AGAP1: variants seen among roughly 807,000 people sequenced by gnomAD.
AGAP1 encodes the protein ArfGAP with GTPase domain, ankyrin repeat and PH domain 1.
Under a neutral mutation model 105.3 loss-of-function variants are expected in AGAP1, and 29 were observed. That is an observed-to-expected ratio of 0.28 (90% confidence interval 0.21 to 0.38). The LOEUF is 0.38. Ranked by LOEUF, AGAP1 falls within the 10% of genes least tolerant of loss-of-function variation. The pLI is 1.00. For missense variants in AGAP1, 998 were observed against 1,165.1 expected (o/e 0.86, Z 2.09); for synonymous variants, 509 against 485.9 (o/e 1.05, Z -0.63).
intron 16 of AGAP1, among the ~76,000 whole-genome samples, chr2:236,108,588 A>G (rs1428566449): frequency 1.1e-4 from 17 of 152,118 alleles, no homozygotes; most frequent in Non-Finnish European, 1.5e-5. Flanking sequence ...ACAGACGCAA[A>G]TTCTTCTTTT....
intron 10 of AGAP1, among the ~76,000 whole-genome samples, chr2:235,895,409 C>T (rs1003336347): frequency 1.3e-5 from 2 of 152,184 alleles, no homozygotes; most frequent in African/African-American, 2.4e-5. Context: ...GTTTCTCATA[C>T]TTGCCATGTT....
Position 235,845,924 on chromosome 2 carries a change from T to G in AGAP1, c.1051-37421T>G, listed in dbSNP as rs1298528093. Among the ~76,000 whole-genome samples the G allele has an allele frequency of 6.6e-6, 1 of 151,994 alleles. No homozygotes were observed. The highest frequency in any genetic ancestry group is 1.5e-5 in the Non-Finnish European group (1 of 67,996). ...TGCCCTCCTTCCTGCACCCCCAGAG[T>G]GGCCCCTCCACTCACCCTTCAGCTG... On this transcript the variant is annotated intron_variant, in intron 9 of 17. Coordinates refer to ENST00000304032, the MANE Select transcript of AGAP1 (RefSeq NM_001037131.3). The surrounding 1 kb of genome is among the most constrained non-coding windows in gnomAD (Gnocchi z 4.8).
rs2125411940 is a variant in AGAP1 at position 235,982,233 on chromosome 2, GA to G, written c.1645+13611del. Among the ~76,000 whole-genome samples the G allele has an allele frequency of 6.6e-6, 1 of 152,290 alleles. No individual in the cohort carries two copies. The highest frequency in any genetic ancestry group is 1.9e-4 in the East Asian group (1 of 5,182). The stretch of plus-strand genomic sequence containing the variant: ...AGTAAATCCATTTCTCACATTTAAA[GA>G]GAATCAAAGAGTCAGTAAACATGCA... On this transcript the variant is annotated intron_variant, in intron 13 of 17. Transcript: ENST00000304032. The surrounding 1 kb of genome is among the most constrained non-coding windows in gnomAD (Gnocchi z 4.9).
At chr2:236,118,216 C>T (rs978677458) in intron 16 of AGAP1, among the ~76,000 whole-genome samples, 8 of 152,022 alleles carry the variant, frequency 5.3e-5, no homozygotes, top group South Asian at 2.1e-4. Context: ...TCTAGACTTT[C>T]GCGGAAGCCC....
chr2:236,096,875 G>A lies in AGAP1; in HGVS notation c.2115-23317G>A, dbSNP rs926858311. Among the ~76,000 whole-genome samples the A allele has an allele frequency of 7.2e-5, 11 of 152,194 alleles. 1 individual carries two copies. The East Asian group carries it at 7.8e-4, about 11-fold the overall frequency. ...GATTACAGGCGTGAGCCACCCTGCC[G>A]GGCCAAATGATGCACTTTTAAACTG... On this transcript the variant is annotated intron_variant, in intron 16 of 17. Transcript: ENST00000304032. The surrounding 1 kb of genome is among the most constrained non-coding windows in gnomAD (Gnocchi z 4.4).
rs567418078 is a variant in AGAP1 at position 236,001,653 on chromosome 2, G to A, written c.1645+33030G>A. Among the ~76,000 whole-genome samples, 32 of 152,268 alleles carry A rather than the reference G, an allele frequency of 2.1e-4. No homozygotes were observed. The highest frequency in any genetic ancestry group is 4.8e-4 in the African/African-American group (20 of 41,542). On this transcript the variant is annotated intron_variant, in intron 13 of 17. Coordinates refer to ENST00000304032, the MANE Select transcript of AGAP1 (RefSeq NM_001037131.3). The surrounding 1 kb of genome is among the most constrained non-coding windows in gnomAD (Gnocchi z 4.7). ...GCCGGGAGACCAGGAGGCCGAGAGCGGTAGAACGTCACATCCTGGAGGGGC... is the reference window on the plus strand; with the variant it reads ...GCCGGGAGACCAGGAGGCCGAGAGCAGTAGAACGTCACATCCTGGAGGGGC...
rs1559245872 is a variant in AGAP1 at position 235,556,553 on chromosome 2, TG to T, written c.163+61709del. Reference sequence around the variant, plus strand: ...TGTTTTCTGCTCTGACCAGGCACCTTGGGGGAGGGAAGGCATCAGGAGCCTT... The same window carrying T: ...TGTTTTCTGCTCTGACCAGGCACCTTGGGGAGGGAAGGCATCAGGAGCCTT... On this transcript the variant is annotated intron_variant, in intron 1 of 17. Transcript: ENST00000304032. The surrounding 1 kb of genome is among the most constrained non-coding windows in gnomAD (Gnocchi z 5.3). 6.6e-6 allele frequency among the ~76,000 whole-genome samples: 1 copy of T among 152,292 alleles called. No individual in the cohort carries two copies. The highest frequency in any genetic ancestry group is 2.1e-4 in the South Asian group (1 of 4,818).
chr2:235,804,203 A>G (rs1957723917), intron 8 of AGAP1, among the ~76,000 whole-genome samples: 1 of 152,234 alleles, frequency 6.6e-6, no homozygotes, highest in African/African-American at 2.4e-5. Context: ...ATCTGTGTCC[A>G]TGCTGTAAAC....
chr2:235,912,496 T>C (rs2051667490), intron 11 of AGAP1, among the ~76,000 whole-genome samples: 1 of 152,226 alleles, frequency 6.6e-6, no homozygotes, highest in South Asian at 2.1e-4. Context: ...TTTCTTTCTT[T>C]GTATTTTCAT....
At chr2:235,634,892 A>G (rs916001329) in intron 1 of AGAP1, among the ~76,000 whole-genome samples, 25 of 152,110 alleles carry the variant, frequency 1.6e-4, no homozygotes, top group Non-Finnish European at 2.9e-5. Context: ...TATTGGTGTT[A>G]GGATGTGTTT....
chr2:235,924,924 A>G (rs2052370668), intron 11 of AGAP1, among the ~76,000 whole-genome samples: 1 of 147,364 alleles, frequency 6.8e-6, no homozygotes, highest in Non-Finnish European at 1.5e-5. Context: ...CAGAGCAGAG[A>G]GCACCTGCCC....
Position 235,824,575 on chromosome 2 carries a change from G to C in AGAP1, c.1050+17244G>C, listed in dbSNP as rs966196852. On this transcript the variant is annotated intron_variant, in intron 9 of 17. Transcript: ENST00000304032. The surrounding 1 kb of genome is among the most constrained non-coding windows in gnomAD (Gnocchi z 5.2). ...TAAAGATACAATTTTGTGCTAAGAG[G>C]CAATGTAGAAATTAGTTCCCGAATT... Among the ~76,000 whole-genome samples the C allele has an allele frequency of 2.6e-5, 4 of 152,198 alleles. No individual in the cohort carries two copies. The highest frequency in any genetic ancestry group is 9.6e-5 in the African/African-American group (4 of 41,454).
At chr2:235,523,017 C>T (rs981137073) in intron 1 of AGAP1, among the ~76,000 whole-genome samples, 3 of 152,106 alleles carry the variant, frequency 2.0e-5, no homozygotes, top group Admixed American at 6.5e-5. Flanking sequence ...GTTTATGTCT[C>T]GCAGTTCTGG....
At chr2:236,108,883 C>G (rs73996535) in intron 16 of AGAP1, among the ~76,000 whole-genome samples, 272 of 152,302 alleles carry the variant, frequency 1.8e-3, no homozygotes, top group African/African-American at 6.3e-3. Flanking sequence ...CAGACCCCGC[C>G]ACAAGACAGT....
intron 1 of AGAP1, among the ~76,000 whole-genome samples, chr2:235,603,734 G>A (rs1945817648): frequency 6.6e-6 from 1 of 152,158 alleles, no homozygotes; most frequent in African/African-American, 2.4e-5. Context: ...TTGACAGTGA[G>A]TGTCTCTCCA....
In AGAP1 at chr2:235,622,138, C is replaced by G. The variant is rs1296459710; in HGVS notation, c.164-87041C>G. Among the ~76,000 whole-genome samples the G allele has an allele frequency of 6.6e-6, 1 of 150,844 alleles. No individual in the cohort carries two copies. The highest frequency in any genetic ancestry group is 2.4e-5 in the African/African-American group (1 of 41,076). On this transcript the variant is annotated intron_variant, in intron 1 of 17. Transcript: ENST00000304032. The surrounding 1 kb of genome is among the most constrained non-coding windows in gnomAD (Gnocchi z 5.0). Reference sequence around the variant, plus strand: ...ACATCCAAAATAAACTTTTTTTTTTCTGTACAAAATTAGATTTAGCTAAAG... The same window carrying G: ...ACATCCAAAATAAACTTTTTTTTTTGTGTACAAAATTAGATTTAGCTAAAG...
At position 236,114,065 on chromosome 2, in the gene AGAP1, G is replaced by A. The variant is rs971598340; in HGVS notation, c.2115-6127G>A. On this transcript the variant is annotated intron_variant, in intron 16 of 17. Transcript: ENST00000304032. This position sits in a 1 kb window ranked among gnomAD's most constrained non-coding sequence, Gnocchi z 5.0. ...GGTGTGTCAGCACCACATCAAATGA[G>A]GAACTGGGCCCCCTCCTTTCTGCTG... 1.3e-5 allele frequency among the ~76,000 whole-genome samples: 2 copies of A among 152,116 alleles called. No individual in the cohort carries two copies. Among genetic ancestry groups the A allele is most frequent in the African/African-American group, 4.8e-5 (2 of 41,432 alleles).
chr2:236,118,381 CTTTTTCTTT>C (rs2059820641), intron 16 of AGAP1, among the ~76,000 whole-genome samples: 1 of 134,454 alleles, frequency 7.4e-6, no homozygotes, highest in East Asian at 2.2e-4. Flanking sequence ...TCTTTCTTTT[CTTTTTCTTT>C]TTTTTTTTTT....
At position 235,724,931 on chromosome 2, in the gene AGAP1, C is replaced by A. The variant is rs79134700; in HGVS notation, c.310+7287C>A. Among the ~76,000 whole-genome samples the A allele has an allele frequency of 6.0e-3, 912 of 152,300 alleles. 5 individuals are homozygous for A. Among genetic ancestry groups the A allele is most frequent in the African/African-American group, 0.02 (833 of 41,556 alleles). On this transcript the variant is annotated intron_variant, in intron 3 of 17. Transcript: ENST00000304032. The surrounding 1 kb of genome is among the most constrained non-coding windows in gnomAD (Gnocchi z 4.9). Reference sequence around the variant, plus strand: ...TCTGTTTGGTTTATTTGGTTCACATCAGAGTTTGCTAAAGGCTTGGAGGTT... The same window carrying A: ...TCTGTTTGGTTTATTTGGTTCACATAAGAGTTTGCTAAAGGCTTGGAGGTT...
Sources: gnomAD v4.1 joint callset for allele counts (sites outside exome capture counted in the v4.1 genomes callset) on GRCh38, gnomAD v4.1.1 for gene constraint, Gnocchi (gnomAD v3.1) non-coding constraint, MANE v1.5 for transcripts, NCBI Gene and HGNC (gene_info 2026-07-23, HGNC 2026-07-21) for gene names.